TEAD1: variants seen among roughly 807,000 people sequenced by gnomAD.
The protein encoded by TEAD1 is TEA domain transcription factor 1, also known as transcriptional enhancer factor TEF-1.
In TEAD1, 9 loss-of-function variants were observed where a neutral mutation model predicts 54.9. The ratio of observed to expected loss-of-function variants is 0.16; its 90% confidence interval spans 0.10 to 0.29. The LOEUF (loss-of-function observed/expected upper bound fraction) is 0.29. Ranked by LOEUF, TEAD1 falls within the 10% of genes least tolerant of loss-of-function variation. TEAD1 has a pLI of 1.00. For synonymous variants in TEAD1, 200 were observed against 187.8 expected (o/e 1.07, Z -0.53); for missense variants, 387 against 535.9 (o/e 0.72, Z 2.74).
intron 12 of TEAD1, among the ~76,000 whole-genome samples, chr11:12,935,277 C>G (rs1211488901): frequency 6.6e-6 from 1 of 152,062 alleles, no homozygotes; most frequent in Non-Finnish European, 1.5e-5. Flanking sequence ...GCAACCATGA[C>G]CAAACGAACC....
intron 3 of TEAD1, among the ~76,000 whole-genome samples, chr11:12,775,232 G>C (rs954591108): frequency 6.6e-6 from 1 of 152,094 alleles, no homozygotes; most frequent in Non-Finnish European, 1.5e-5. Flanking sequence ...ACAGGGGGAC[G>C]GGGAGCTCCA....
intron 4 of TEAD1, among the ~76,000 whole-genome samples, chr11:12,863,142 A>G (rs1947541947): frequency 6.6e-6 from 1 of 152,252 alleles, no homozygotes; most frequent in East Asian, 1.9e-4. Context: ...TAATCAGACC[A>G]AAAGGCTAAC....
intron 9 of TEAD1, among the ~76,000 whole-genome samples, chr11:12,893,830 G>C (rs1044400545): frequency 2.0e-5 from 3 of 152,212 alleles, no homozygotes; most frequent in Non-Finnish European, 4.4e-5. Flanking sequence ...GCCAGAACAG[G>C]GCTGGTGCCC....
At chr11:12,731,298 G>A (rs550415967) in intron 2 of TEAD1, among the ~76,000 whole-genome samples, 1 of 152,286 alleles carries the variant, frequency 6.6e-6, no homozygotes, top group South Asian at 2.1e-4. Flanking sequence ...ATGAGAAAAT[G>A]TAGAGAAGCA....
chr11:12,928,732 T>A (rs1948951384), intron 11 of TEAD1, among the ~76,000 whole-genome samples: 1 of 151,244 alleles, frequency 6.6e-6, no homozygotes, highest in Non-Finnish European at 1.5e-5. Flanking sequence ...TACTTTTAAT[T>A]AATTATTTTT....
At chr11:12,917,487 G>GA (rs1948735670) in intron 10 of TEAD1, among the ~76,000 whole-genome samples, 1 of 152,078 alleles carries the variant, frequency 6.6e-6, no homozygotes, top group African/African-American at 2.4e-5. Flanking sequence ...TAATATAACA[G>GA]AAAAAAGCAT....
rs536206656 is a variant in TEAD1 at position 12,731,580 on chromosome 11, G to A, written c.-54-32599G>A. 1.5e-3 allele frequency among the ~76,000 whole-genome samples: 235 copies of A among 152,004 alleles called. 1 individual carries two copies. The highest frequency in any genetic ancestry group is 7.7e-3 in the South Asian group (37 of 4,810). On this transcript the variant is annotated intron_variant, in intron 2 of 12. Coordinates refer to ENST00000527636, the MANE Select transcript of TEAD1 (RefSeq NM_021961.6). ...GCAATTAATAACAATTTTAAAATAG[G>A]ATATATAATTTATTCCCGCTTATCA...
intron 9 of TEAD1, among the ~76,000 whole-genome samples, chr11:12,898,961 C>T (rs1192056247): frequency 3.9e-5 from 6 of 152,134 alleles, no homozygotes; most frequent in African/African-American, 9.7e-5. Context: ...ATGTCAGGGC[C>T]GTGGTTCCCA....
At chr11:12,734,452 T>C (rs970678642) in intron 2 of TEAD1, among the ~76,000 whole-genome samples, 1 of 152,170 alleles carries the variant, frequency 6.6e-6, no homozygotes, top group Admixed American at 6.5e-5. Flanking sequence ...GGCATAAGAA[T>C]ACACTGTTTA....
intron 3 of TEAD1, among the ~76,000 whole-genome samples, chr11:12,819,295 T>C (rs889094725): frequency 1.6e-5 from 2 of 127,966 alleles, no homozygotes; most frequent in East Asian, 2.3e-4. Context: ...TTTTTTTTTT[T>C]ACACTTTGCT....
intron 3 of TEAD1, among the ~76,000 whole-genome samples, chr11:12,818,333 C>G (rs947631819): frequency 6.6e-6 from 1 of 152,174 alleles, no homozygotes; most frequent in African/African-American, 2.4e-5. Context: ...TCTTACAGAA[C>G]CACTGTTACT....
chr11:12,866,686 G>A (rs1178587408), intron 5 of TEAD1, among the ~76,000 whole-genome samples: 1 of 152,198 alleles, frequency 6.6e-6, no homozygotes, highest in Non-Finnish European at 1.5e-5. Flanking sequence ...GATAGCAACT[G>A]GCTCAGCATT....
At chr11:12,805,726 A>G (rs1400983684) in intron 3 of TEAD1, among the ~76,000 whole-genome samples, 6 of 152,220 alleles carry the variant, frequency 3.9e-5, no homozygotes, top group Non-Finnish European at 7.3e-5. Flanking sequence ...TGTCTACAGA[A>G]TCATGTGTGT....
At chr11:12,833,941 G>T (rs1205578193) in intron 3 of TEAD1, among the ~76,000 whole-genome samples, 5 of 152,136 alleles carry the variant, frequency 3.3e-5, no homozygotes, top group African/African-American at 1.2e-4. Flanking sequence ...AGCTTGCCTT[G>T]GGCGTGGGCT....
chr11:12,869,577 T>A lies in TEAD1; in HGVS notation c.330+4677T>A, dbSNP rs182438869. Among the ~76,000 whole-genome samples the A allele has an allele frequency of 3.6e-4, 55 of 152,342 alleles. No homozygotes were observed. The East Asian group carries it at 7.5e-3, about 21-fold the overall frequency. On this transcript the variant is annotated intron_variant, in intron 5 of 12. Coordinates refer to ENST00000527636, the MANE Select transcript of TEAD1 (RefSeq NM_021961.6). ...AATGGTAATTGACTAGGAGTGTGCA[T>A]CAAAATTATGAAGTTTTTGTTGCAA...
At chr11:12,876,524 A>G (rs760316639) in intron 5 of TEAD1, among the ~76,000 whole-genome samples, 4 of 152,142 alleles carry the variant, frequency 2.6e-5, no homozygotes, top group Non-Finnish European at 4.4e-5. Context: ...TTCTTCTGGA[A>G]TGGAGCCAAG....
Position 12,864,827 on chromosome 11 carries a change from C to T in TEAD1, c.268-11C>T, listed in dbSNP as rs1170139888. ...TTTTCCTTTGTTTTCCTCCCTTCCC[C>T]TACCCTGCAGGTGTCTAGTCACATT... On this transcript the variant is annotated splice_polypyrimidine_tract_variant and intron_variant, in intron 4 of 12. Transcript: ENST00000527636. The T allele has an allele frequency of 6.8e-6, 11 of 1,614,050 alleles. No individual in the cohort carries two copies. The highest frequency in any genetic ancestry group is 2.2e-5 in the East Asian group (1 of 44,868).
intron 3 of TEAD1, among the ~76,000 whole-genome samples, chr11:12,794,912 C>T (rs914495006): frequency 2.0e-5 from 3 of 152,226 alleles, no homozygotes; most frequent in Non-Finnish European, 4.4e-5. Flanking sequence ...ATCCATCCTG[C>T]CCTGAACAGC....
intron 2 of TEAD1, among the ~76,000 whole-genome samples, chr11:12,723,196 A>C (rs1380275691): frequency 6.6e-6 from 1 of 152,232 alleles, no homozygotes; most frequent in Non-Finnish European, 1.5e-5. Flanking sequence ...TACCAATTTC[A>C]GCATCTTGGC....
Sources: allele counts gnomAD v4.1 joint callset (sites outside exome capture counted in the v4.1 genomes callset), GRCh38; gene constraint gnomAD v4.1.1; transcripts MANE v1.5; gene names NCBI Gene and HGNC (gene_info 2026-07-23, HGNC 2026-07-21).